Variants in ATOSB observed in about 807,000 individuals in gnomAD.
The protein encoded by ATOSB is atos homolog B, also known as atos homolog protein B.
At chr9:35,109,765 T>A in the ATOSB span, 1 of 152,372 alleles carries the variant, frequency 6.6e-6, no homozygotes, top group Non-Finnish European at 1.5e-5. Context: ...ACCTCACCTA[T>A]GGCAGTGTTA....
the ATOSB span, chr9:35,107,349 A>G: frequency 6.3e-7 from 1 of 1,578,074 alleles, no homozygotes; most frequent in Non-Finnish European, 8.5e-7. Flanking sequence ...AAAAAGTAAA[A>G]AAAGAGTAAA....
chr9:35,108,234 G>T, the ATOSB span: 2 of 1,577,678 alleles, frequency 1.3e-6, no homozygotes, highest in Admixed American at 1.8e-5. Context: ...GCCAGCCTCC[G>T]GCTCTGAGGA....
the ATOSB span, among the ~76,000 whole-genome samples, chr9:35,114,331 C>T: frequency 2.0e-5 from 3 of 152,202 alleles, no homozygotes; most frequent in East Asian, 1.9e-4. Context: ...TTCAGCCTGC[C>T]CTTTTTTACC....
At chr9:35,104,875 T>C in the ATOSB span, 12 of 172,742 alleles carry the variant, frequency 6.9e-5, no homozygotes, top group Non-Finnish European at 1.1e-4. Context: ...AATTATAAAT[T>C]AAAAATAAAT....
chr9:35,106,574 G>C, the ATOSB span: 3 of 1,571,962 alleles, frequency 1.9e-6, no homozygotes, highest in South Asian at 3.5e-5. This position sits in a 1 kb window ranked among gnomAD's most constrained non-coding sequence, Gnocchi z 4.6. Context: ...TGACAGCAGG[G>C]GTAGGAACAG....
At chr9:35,113,828 G>A in the ATOSB span, among the ~76,000 whole-genome samples, 4 of 151,884 alleles carry the variant, frequency 2.6e-5, no homozygotes, top group Non-Finnish European at 5.9e-5. Flanking sequence ...TTTCGTTCAT[G>A]CTCATATTCC....
the ATOSB span, chr9:35,108,750 G>T: frequency 1.0e-6 from 1 of 954,420 alleles, no homozygotes; most frequent in Non-Finnish European, 1.2e-6. Flanking sequence ...GAGGAGAGAA[G>T]AACAGACGTA....
the ATOSB span, chr9:35,108,061 A>T: frequency 6.5e-7 from 1 of 1,534,068 alleles, no homozygotes; most frequent in Non-Finnish European, 8.8e-7. Context: ...CCCTCAGTGG[A>T]TGGGGCTTGT....
the ATOSB span, chr9:35,110,841 T>C: frequency 1.3e-5 from 2 of 152,224 alleles, no homozygotes; most frequent in Non-Finnish European, 2.9e-5. Flanking sequence ...AAGATTTCCA[T>C]TTCTACCATG....
chr9:35,108,208 C>T, the ATOSB span: 9 of 1,592,416 alleles, frequency 5.7e-6, no homozygotes, highest in South Asian at 1.0e-4. Context: ...CCCTGCCTGA[C>T]TGGAGGCTGT....
chr9:35,110,125 C>T, the ATOSB span: 1 of 152,210 alleles, frequency 6.6e-6, no homozygotes, highest in East Asian at 1.9e-4. Flanking sequence ...TTGTACCCCA[C>T]TATCCCATTT....
At chr9:35,114,026 A>T in the ATOSB span, among the ~76,000 whole-genome samples, 32 of 152,330 alleles carry the variant, frequency 2.1e-4, no homozygotes, top group African/African-American at 7.5e-4. Flanking sequence ...GTTTGTATAA[A>T]CAATGACTGC....
At chr9:35,108,289 G>A in the ATOSB span, 3 of 1,530,854 alleles carry the variant, frequency 2.0e-6, no homozygotes, top group Non-Finnish European at 2.6e-6. Context: ...CCCCCCTTGG[G>A]TCAGGGGGGC....
the ATOSB span, chr9:35,107,749 C>T: frequency 6.4e-7 from 1 of 1,574,580 alleles, no homozygotes; most frequent in Non-Finnish European, 8.6e-7. Context: ...GGGGCTGGCC[C>T]TGGGGACTCC....
the ATOSB span, chr9:35,106,240 G>A: frequency 6.2e-7 from 1 of 1,613,254 alleles, no homozygotes; most frequent in Non-Finnish European, 8.5e-7. This position sits in a 1 kb window ranked among gnomAD's most constrained non-coding sequence, Gnocchi z 4.6. Flanking sequence ...TGGGGTTGGA[G>A]TCAAGGCATA....
chr9:35,106,226 A>C, the ATOSB span: 2 of 1,612,712 alleles, frequency 1.2e-6, no homozygotes, highest in Non-Finnish European at 1.7e-6. The surrounding 1 kb of genome is among the most constrained non-coding windows in gnomAD (Gnocchi z 4.6). Flanking sequence ...TGATGAGCTG[A>C]CTTTGGGGTT....
the ATOSB span, chr9:35,108,591 T>G: frequency 2.7e-6 from 3 of 1,122,776 alleles, no homozygotes; most frequent in Non-Finnish European, 3.3e-6. Context: ...CCCTGGTACT[T>G]ACCCCGATGA....
the ATOSB span, chr9:35,105,289 C>G: frequency 6.2e-7 from 1 of 1,614,128 alleles, no homozygotes; most frequent in South Asian, 1.1e-5. This position sits in a 1 kb window ranked among gnomAD's most constrained non-coding sequence, Gnocchi z 5.5. Flanking sequence ...TAGGGGAGCC[C>G]TGTGTCCAGC....
At chr9:35,115,394 T>C in the ATOSB span, among the ~76,000 whole-genome samples, 1 of 152,060 alleles carries the variant, frequency 6.6e-6, no homozygotes, top group Non-Finnish European at 1.5e-5. Context: ...CCCTAAACTG[T>C]TACTTTGTCA....
Sources: allele counts gnomAD v4.1 joint callset (sites outside exome capture counted in the v4.1 genomes callset), GRCh38; gene constraint gnomAD v4.1.1; non-coding constraint Gnocchi (gnomAD v3.1); transcripts MANE v1.5; gene names NCBI Gene and HGNC (gene_info 2026-07-23, HGNC 2026-07-21).